The following VSTM4 variants were observed in gnomAD, a reference collection of about 807,000 sequenced individuals.
VSTM4 encodes V-set and transmembrane domain-containing protein 4.
Under a neutral mutation model 36.4 loss-of-function variants are expected in VSTM4, and 20 were observed. That is an observed-to-expected ratio of 0.55 (90% CI 0.39 to 0.80). The LOEUF (loss-of-function observed/expected upper bound fraction) is 0.80, where lower values mean the gene tolerates loss of function less well. Among genes scored for constraint, VSTM4 ranks in the 30% least tolerant of loss-of-function variants. The pLI, the probability that VSTM4 is intolerant of heterozygous loss-of-function variation, is 0.00. For synonymous variants in VSTM4, 182 were observed against 173.9 expected (o/e 1.05, Z -0.37); for missense variants, 392 against 404.5 (o/e 0.97, Z 0.26).
At chr10:49,064,792 G>C in intron 4 of VSTM4, 56 bp from the exon 5 acceptor site, 1 of 1,563,462 alleles carries the variant, frequency 6.4e-7, no homozygotes, top group South Asian at 1.1e-5. Context: ...AGATATATAT[G>C]CTCCAGGAAT....
chr10:49,045,886 C>G (rs1399754726), intron 7 of VSTM4, among the ~76,000 whole-genome samples: 1 of 152,118 alleles, frequency 6.6e-6, no homozygotes, highest in Non-Finnish European at 1.5e-5. Context: ...GTGTCTCCAC[C>G]CAAATGTTAT....
intron 4 of VSTM4, among the ~76,000 whole-genome samples, chr10:49,074,566 A>G (rs1206921276): frequency 6.6e-6 from 1 of 152,200 alleles, no homozygotes; most frequent in Non-Finnish European, 1.5e-5. Context: ...GAAGGAGACT[A>G]CCTAGGCCCA....
intron 2 of VSTM4, among the ~76,000 whole-genome samples, chr10:49,098,536 T>C (rs1373449575): frequency 3.3e-5 from 5 of 152,190 alleles, no homozygotes; most frequent in Non-Finnish European, 5.9e-5. Context: ...TCTAATCTGA[T>C]TCCCCCCAGA....
chr10:49,062,974 A>AT (rs373617890), intron 5 of VSTM4, among the ~76,000 whole-genome samples: 24 of 145,552 alleles, frequency 1.6e-4, no homozygotes, highest in African/African-American at 5.8e-4. Flanking sequence ...ATTGGCTGAG[A>AT]TTTTTTTATT....
chr10:49,060,377 T>C (rs1199143436), intron 5 of VSTM4, among the ~76,000 whole-genome samples: 1 of 152,220 alleles, frequency 6.6e-6, no homozygotes, highest in African/African-American at 2.4e-5. Flanking sequence ...ATTGTCTGTC[T>C]TTTGAGTTAT....
At position 49,046,980 on chromosome 10, in the gene VSTM4, T is replaced by G. The variant is rs1843620383; in HGVS notation, c.837+3A>C. The G allele has an allele frequency of 1.2e-6, 2 of 1,613,890 alleles. No individual in the cohort carries two copies. Among genetic ancestry groups the G allele is most frequent in the Non-Finnish European group, 8.5e-7 (1 of 1,179,856 alleles). ...GATAGGAATACAGAAGACGGTTACT[T>G]ACCAGCGTGACTTTTCTCTGTGGTT... On this transcript the variant is annotated splice_donor_region_variant and intron_variant, in intron 7 of 7. Transcript: ENST00000332853.
At chr10:49,077,473 G>T in intron 3 of VSTM4, 147 bp from the exon 4 acceptor site, 1 of 698,808 alleles carries the variant, frequency 1.4e-6, no homozygotes, top group Non-Finnish European at 2.5e-6. Context: ...GACAGACACA[G>T]ATCAATGAAA....
intron 7 of VSTM4, among the ~76,000 whole-genome samples, chr10:49,027,334 C>T (rs1425601551): frequency 6.6e-6 from 1 of 152,210 alleles, no homozygotes; most frequent in Non-Finnish European, 1.5e-5. Context: ...TGCCAGGCCC[C>T]CCACGCTGCA....
At chr10:49,041,588 TA>T (rs1285652352) in intron 7 of VSTM4, among the ~76,000 whole-genome samples, 2 of 152,202 alleles carry the variant, frequency 1.3e-5, no homozygotes, top group Non-Finnish European at 2.9e-5. Flanking sequence ...TTGAATCTGA[TA>T]TTTTTTTAGT....
intron 2 of VSTM4, among the ~76,000 whole-genome samples, chr10:49,092,058 C>T (rs1423527050): frequency 3.3e-5 from 5 of 152,156 alleles, no homozygotes; most frequent in African/African-American, 4.8e-5. Context: ...CTTCCCTTTC[C>T]GTGCCTACCC....
chr10:49,075,031 C>T (rs909357622), intron 4 of VSTM4, among the ~76,000 whole-genome samples: 4 of 152,202 alleles, frequency 2.6e-5, no homozygotes, highest in South Asian at 2.1e-4. Context: ...TGGCCCACAG[C>T]GGGTGCTCAG....
At chr10:49,069,372 T>G (rs1314129555) in intron 4 of VSTM4, among the ~76,000 whole-genome samples, 1 of 152,236 alleles carries the variant, frequency 6.6e-6, no homozygotes, top group Non-Finnish European at 1.5e-5. Flanking sequence ...AGGCAAGGAC[T>G]GTGGCAACCC....
chr10:49,066,303 A>G (rs1843973306), intron 4 of VSTM4, among the ~76,000 whole-genome samples: 1 of 152,236 alleles, frequency 6.6e-6, no homozygotes, highest in Non-Finnish European at 1.5e-5. Context: ...AATGTAAAAT[A>G]CTAATATCTG....
intron 7 of VSTM4, among the ~76,000 whole-genome samples, chr10:49,040,064 C>A (rs1035899774): frequency 4.6e-5 from 7 of 152,222 alleles, no homozygotes; most frequent in Middle Eastern, 3.4e-3. Flanking sequence ...CAATGCCTCA[C>A]CCCAAGGGGA....
chr10:49,066,922 G>A (rs1843984232), intron 4 of VSTM4, among the ~76,000 whole-genome samples: 1 of 152,144 alleles, frequency 6.6e-6, no homozygotes, highest in Admixed American at 6.5e-5. Flanking sequence ...AACAAAAGAT[G>A]TATTACAGTA....
chr10:49,027,405 TC>T (rs1843279448), intron 7 of VSTM4, among the ~76,000 whole-genome samples: 1 of 152,214 alleles, frequency 6.6e-6, no homozygotes, highest in South Asian at 2.1e-4. Context: ...CACTCATGCC[TC>T]CTGCTGTGTC....
In VSTM4 at chr10:49,107,801, C is replaced by T. The variant is rs34832077; in HGVS notation, c.250G>A (p.Val84Met). Residue 84 changes from valine to methionine, a missense_variant, in exon 2 of 8, where the codon GTG becomes ATG. Coordinates refer to ENST00000332853, the MANE Select transcript of VSTM4 (RefSeq NM_001031746.5). ...CGGCTGAAATTCCCATAGTACTGCA[C>T]CACCCGGAGCTTGGTCATCTTCACC... ...LMVKMTKLRVVQYYGNFSRSA... is the reference protein window; with the variant it reads ...LMVKMTKLRVMQYYGNFSRSA... 3.2e-4 allele frequency: 511 copies of T among 1,614,266 alleles called. 1 individual carries two copies. Among genetic ancestry groups the T allele is most frequent in the Middle Eastern group, 9.9e-4 (6 of 6,062 alleles).
intron 7 of VSTM4, among the ~76,000 whole-genome samples, chr10:49,029,351 A>G (rs1395269208): frequency 6.6e-6 from 1 of 152,270 alleles, no homozygotes; most frequent in African/African-American, 2.4e-5. Flanking sequence ...AACAAAGGAC[A>G]TAATCCAGAA....
In VSTM4 at chr10:49,107,854, T is replaced by A. The variant is rs778293316; in HGVS notation, c.197A>T (p.His66Leu). The A allele has an allele frequency of 6.2e-7, 1 of 1,614,044 alleles. No homozygotes were observed. Among genetic ancestry groups the A allele is most frequent in the Non-Finnish European group, 8.5e-7 (1 of 1,180,006 alleles). ...SLLAVRWFFA[H>L]SFDSQEALMV... ...CAAGGCCTCCTGGGAGTCGAAGGAGTGTGCAAAGAACCAGCGCACGGCCAG... is the reference window on the plus strand; with the variant it reads ...CAAGGCCTCCTGGGAGTCGAAGGAGAGTGCAAAGAACCAGCGCACGGCCAG... Residue 66 changes from histidine to leucine, a missense_variant, in exon 2 of 8, where the codon CAC becomes CTC. His to Leu is a moderately conservative substitution (Grantham distance 99, BLOSUM62 -3). Coordinates refer to ENST00000332853, the MANE Select transcript of VSTM4 (RefSeq NM_001031746.5).
Sources: gnomAD v4.1 joint callset for allele counts (sites outside exome capture counted in the v4.1 genomes callset) on GRCh38, gnomAD v4.1.1 for gene constraint, MANE v1.5 for transcripts, NCBI Gene and HGNC (gene_info 2026-07-23, HGNC 2026-07-21) for gene names.